The following DMD variants were observed in gnomAD, a reference collection of about 807,000 sequenced individuals.
DMD encodes the protein dystrophin.
In DMD, 63 loss-of-function variants were observed where a neutral mutation model predicts 330.1. That is an observed-to-expected ratio of 0.19 (90% CI 0.16 to 0.24). The LOEUF is 0.24. Ranked by LOEUF, DMD falls within the 10% of genes least tolerant of loss-of-function variation. The probability of loss-of-function intolerance (pLI) is 1.00; values close to 1 mark genes in which losing one functional copy is unlikely to be tolerated. For synonymous variants in DMD, 1,223 were observed against 959.8 expected (o/e 1.27, Z -5.07); for missense variants, 3,344 against 2,684.1 (o/e 1.25, Z -5.43).
Position 31,658,625 on chromosome X carries a change from ACT to A in DMD, c.7873-483_7873-482del, listed in dbSNP as rs773348883. Among the ~76,000 whole-genome samples the A allele has an allele frequency of 2.7e-5, 3 of 112,611 alleles. No homozygotes were observed. In the East Asian group the frequency reaches 8.3e-4, roughly 31 times the overall value. ...AAATATTGAACAACAAAAGAATAGT[ACT>A]GTTATTCTAGTCACGAATTTTTTGA... On this transcript the variant is annotated intron_variant, in intron 53 of 78. Coordinates refer to ENST00000357033, the MANE Select transcript of DMD (RefSeq NM_004006.3).
intron 63 of DMD, among the ~76,000 whole-genome samples, chrX:31,224,206 A>G (rs922987759): frequency 6.2e-5 from 7 of 112,293 alleles, no homozygotes; most frequent in African/African-American, 1.9e-4. Context: ...TTTAATACAG[A>G]TCATGGACCG....
intron 1 of DMD, among the ~76,000 whole-genome samples, chrX:33,258,115 T>G (rs776114570): frequency 9.0e-6 from 1 of 111,480 alleles, no homozygotes; most frequent in Non-Finnish European, 1.9e-5. Flanking sequence ...TTCAGCACAA[T>G]GTTTTATGCA....
chrX:32,110,667 G>GC (rs1282905639), intron 44 of DMD, among the ~76,000 whole-genome samples: 1 of 110,872 alleles, frequency 9.0e-6, no homozygotes, highest in Non-Finnish European at 1.9e-5. Flanking sequence ...CACATGGCTA[G>GC]CTACACTAGG....
intron 44 of DMD, among the ~76,000 whole-genome samples, chrX:32,173,875 A>G (rs773880552): frequency 1.9e-3 from 210 of 111,713 alleles, no homozygotes; most frequent in African/African-American, 6.5e-3. Context: ...ATGATATACC[A>G]TAAGAGGCTA....
At chrX:33,045,977 A>G (rs1371585119) in intron 1 of DMD, among the ~76,000 whole-genome samples, 1 of 111,608 alleles carries the variant, frequency 9.0e-6, no homozygotes, top group Non-Finnish European at 1.9e-5. Context: ...AGGCAGTTCA[A>G]CTAAGGGCGG....
At chrX:32,776,048 T>A (rs1251631009) in intron 7 of DMD, among the ~76,000 whole-genome samples, 1 of 111,697 alleles carries the variant, frequency 9.0e-6, no homozygotes, top group African/African-American at 3.3e-5. Flanking sequence ...CTAAATCATC[T>A]CTCAAGTTCA....
At chrX:31,643,372 G>C (rs991839523) in intron 54 of DMD, among the ~76,000 whole-genome samples, 1 of 111,232 alleles carries the variant, frequency 9.0e-6, no homozygotes, top group African/African-American at 3.3e-5. Context: ...GTTTGTGATA[G>C]GCACTTTTTT....
rs376024929 is a variant in DMD at position 32,565,846 on chromosome X, G to A, written c.1848C>T (p.Ser616=). 8.3e-7 allele frequency: 1 copy of A among 1,211,254 alleles called. No individual in the cohort carries two copies. The highest frequency in any genetic ancestry group is 1.1e-6 in the Non-Finnish European group (1 of 895,177). The change falls in exon 16 of 79, where the codon TCC becomes TCT. Residue 616 remains serine (S), a synonymous_variant. Coordinates refer to ENST00000357033, the MANE Select transcript of DMD (RefSeq NM_004006.3). ...LKADLEKKKQ[S]MGKLYSLKQD... is the part of the protein sequence containing the mutation. ...GTTTGAGTGAATACAGTTTGCCCAT[G>A]GATTGCTTTTTCTTTTCTAGATCCG...
chrX:33,241,427 C>G (rs971110015), intron 1 of DMD, among the ~76,000 whole-genome samples: 1 of 111,464 alleles, frequency 9.0e-6, no homozygotes, highest in African/African-American at 3.3e-5. Context: ...TGTTTTTATG[C>G]CAGCACCATC....
intron 19 of DMD, among the ~76,000 whole-genome samples, chrX:32,492,679 A>C (rs2043121093): frequency 8.9e-6 from 1 of 112,536 alleles, no homozygotes; most frequent in Admixed American, 9.4e-5. Context: ...CTCTAAAGTT[A>C]GTTTACAAAA....
chrX:31,774,181 T>G lies in DMD; in HGVS notation c.7321A>C (p.Thr2441Pro), dbSNP rs146817002. Residue 2441 changes from threonine to proline, a missense_variant, in exon 51 of 79, where the codon ACT becomes CCT. Transcript: ENST00000357033. ...ACAGGTTGTGTCACCAGAGTAACAG[T>G]CTGAGTAGGAGCTAAAATATTTTGG... is the stretch of plus-strand genomic sequence containing the variant. ...LTTIGASPTQ[T>P]VTLVTQPVVT... 5.2e-5 allele frequency: 62 copies of G among 1,201,029 alleles called. No individual in the cohort carries two copies. The Admixed American group carries it at 1.2e-3, about 23-fold the overall frequency.
At chrX:32,022,552 A>T (rs1031730904) in intron 44 of DMD, among the ~76,000 whole-genome samples, 3 of 112,499 alleles carry the variant, frequency 2.7e-5, no homozygotes, top group Admixed American at 1.9e-4. Flanking sequence ...TTTTTAAGAG[A>T]AAAAGGGAAT....
At chrX:32,733,504 T>C (rs954573773) in intron 7 of DMD, among the ~76,000 whole-genome samples, 2 of 110,946 alleles carry the variant, frequency 1.8e-5, no homozygotes, top group African/African-American at 6.7e-5. Flanking sequence ...ACTGACCACA[T>C]ACTTGGAAGT....
At chrX:33,283,391 T>C (rs944738169) in intron 1 of DMD, among the ~76,000 whole-genome samples, 2 of 109,943 alleles carry the variant, frequency 1.8e-5, no homozygotes, top group African/African-American at 6.6e-5. Context: ...ATACAAAAAA[T>C]TAGCCGAGCG....
At chrX:31,891,284 A>G (rs770687115) in intron 47 of DMD, among the ~76,000 whole-genome samples, 2 of 111,626 alleles carry the variant, frequency 1.8e-5, no homozygotes, top group South Asian at 7.5e-4. Context: ...TGGCCAGAAG[A>G]GAAGAGAGCA....
At chrX:32,917,926 G>A in intron 2 of DMD, among the ~76,000 whole-genome samples, 1 of 108,354 alleles carries the variant, frequency 9.2e-6, no homozygotes, top group Non-Finnish European at 1.9e-5. Flanking sequence ...AAATGAAGCT[G>A]CTCTGCAGGT....
At chrX:31,880,732 T>A (rs764884478) in intron 47 of DMD, among the ~76,000 whole-genome samples, 97 of 112,356 alleles carry the variant, frequency 8.6e-4, no homozygotes, top group Non-Finnish European at 1.5e-3. Flanking sequence ...TACCTAGTGA[T>A]GTCACAGTGC....
chrX:31,265,123 A>C (rs779165765), intron 62 of DMD, among the ~76,000 whole-genome samples: 1 of 112,500 alleles, frequency 8.9e-6, no homozygotes, highest in South Asian at 3.7e-4. Flanking sequence ...GCTATGCAGC[A>C]ATATAAAAAG....
Position 32,286,362 on chromosome X carries a change from A to T in DMD, c.6290+1167T>A, listed in dbSNP as rs1469677956. Among the ~76,000 whole-genome samples the T allele has an allele frequency of 4.5e-5, 5 of 112,029 alleles. No individual in the cohort carries two copies. The South Asian group carries it at 1.9e-3, about 42-fold the overall frequency. ...TTTCCAGATGTTAGGAGCGACTAAT[A>T]GTTTTAGGATTTCTAGAAAAAGACA... On this transcript the variant is annotated intron_variant, in intron 43 of 78. Coordinates refer to ENST00000357033, the MANE Select transcript of DMD (RefSeq NM_004006.3).
Sources: allele counts gnomAD v4.1 joint callset (sites outside exome capture counted in the v4.1 genomes callset), GRCh38; gene constraint gnomAD v4.1.1; transcripts MANE v1.5; gene names NCBI Gene and HGNC (gene_info 2026-07-23, HGNC 2026-07-21).